The following CNTN4 variants were observed in gnomAD, a reference collection of about 807,000 sequenced individuals.
CNTN4 encodes contactin 4, also known as contactin-4.
In CNTN4, 77 loss-of-function variants were observed where a neutral mutation model predicts 122.5. The observed-to-expected ratio is 0.63, with a 90% CI of 0.52 to 0.76. The LOEUF is 0.76. Among genes scored for constraint, CNTN4 ranks in the 30% least tolerant of loss-of-function variants. The pLI is 0.00. For missense variants in CNTN4, 1,256 were observed against 1,259.1 expected (o/e 1.00, Z 0.04); for synonymous variants, 512 against 447.0 (o/e 1.15, Z -1.83).
chr3:2,794,413 G>A (rs2092106795), intron 6 of CNTN4, among the ~76,000 whole-genome samples: 1 of 152,184 alleles, frequency 6.6e-6, no homozygotes, highest in Non-Finnish European at 1.5e-5. Context: ...TCCCAAAAAG[G>A]AGATACAATA....
chr3:2,802,412 C>T (rs2092369702), intron 6 of CNTN4, among the ~76,000 whole-genome samples: 2 of 152,134 alleles, frequency 1.3e-5, no homozygotes, highest in African/African-American at 2.4e-5. Flanking sequence ...GCCTTCTTTG[C>T]TTTTTTGTTG....
At position 3,056,160 on chromosome 3, in the gene CNTN4, A is replaced by G. The variant is rs373172900; in HGVS notation, c.3021A>G (p.Ala1007=). 2 of 1,614,036 alleles carry G rather than the reference A, an allele frequency of 1.2e-6. No homozygotes were observed. Among genetic ancestry groups the G allele is most frequent in the African/African-American group, 1.3e-5 (1 of 74,922 alleles). ...GATCTGGGGCTTCCACTTCGAATGC[A>G]TGTACGCTGTCAGCCATCAGTACAA... The part of the protein sequence containing the change: ...ARGSGASTSN[A]CTLSAISTIM... The change falls in exon 25 of 25, where the codon GCA becomes GCG. Residue 1007 remains alanine (A), a synonymous_variant. Transcript: ENST00000418658.
intron 5 of CNTN4, among the ~76,000 whole-genome samples, chr3:2,740,382 T>C (rs901830693): frequency 3.3e-5 from 5 of 151,894 alleles, no homozygotes; most frequent in Non-Finnish European, 7.4e-5. Flanking sequence ...TAAATAAAAG[T>C]CAGTATGCCA....
At chr3:2,669,321 A>T (rs1421824024) in intron 4 of CNTN4, among the ~76,000 whole-genome samples, 1 of 152,104 alleles carries the variant, frequency 6.6e-6, no homozygotes, top group Non-Finnish European at 1.5e-5. Context: ...TAGTCTTGGG[A>T]GGGTGTATGT....
chr3:2,810,502 G>C (rs1472009516), intron 6 of CNTN4, among the ~76,000 whole-genome samples: 1 of 152,090 alleles, frequency 6.6e-6, no homozygotes, highest in Non-Finnish European at 1.5e-5. Context: ...GCTAAATAGA[G>C]GATTGCTGAC....
intron 11 of CNTN4, among the ~76,000 whole-genome samples, chr3:2,901,471 A>G (rs1008463205): frequency 6.6e-6 from 1 of 152,166 alleles, no homozygotes; most frequent in African/African-American, 2.4e-5. Context: ...TGTTTTGCCT[A>G]ACTCACCCCC....
intron 2 of CNTN4, among the ~76,000 whole-genome samples, chr3:2,268,884 G>C (rs1040303364): frequency 6.6e-6 from 1 of 152,130 alleles, no homozygotes; most frequent in South Asian, 2.1e-4. Context: ...TAAGTAGCCT[G>C]GGGGTAGTTT....
chr3:2,102,670 G>A (rs1485827123), intron 2 of CNTN4, among the ~76,000 whole-genome samples: 1 of 152,102 alleles, frequency 6.6e-6, no homozygotes, highest in Non-Finnish European at 1.5e-5. Context: ...AGGAAGACTT[G>A]GGAGGATGTT....
intron 2 of CNTN4, among the ~76,000 whole-genome samples, chr3:2,180,850 T>C (rs920281472): frequency 1.3e-5 from 2 of 152,102 alleles, no homozygotes; most frequent in Admixed American, 6.6e-5. Context: ...TCACATGCCA[T>C]TGTGATTGAC....
At chr3:2,982,323 C>A (rs887618283) in intron 13 of CNTN4, among the ~76,000 whole-genome samples, 2 of 152,170 alleles carry the variant, frequency 1.3e-5, no homozygotes, top group African/African-American at 4.8e-5. Context: ...TGAACAAGTT[C>A]AGCAATTTCT....
At chr3:3,046,427 C>T (rs544745239) in intron 23 of CNTN4, among the ~76,000 whole-genome samples, 4 of 152,312 alleles carry the variant, frequency 2.6e-5, no homozygotes, top group East Asian at 1.9e-4. Context: ...AATAGCGGAT[C>T]TCTTGGCAGA....
At chr3:2,737,082 C>T (rs1439497463) in intron 5 of CNTN4, among the ~76,000 whole-genome samples, 3 of 151,926 alleles carry the variant, frequency 2.0e-5, no homozygotes, top group Non-Finnish European at 4.4e-5. Flanking sequence ...CTGTGCCCAG[C>T]CATATTTTTA....
chr3:2,707,246 C>CA (rs1390010314), intron 4 of CNTN4, among the ~76,000 whole-genome samples: 2 of 151,518 alleles, frequency 1.3e-5, no homozygotes, highest in African/African-American at 4.9e-5. Context: ...GTTGAGGCTG[C>CA]AGTGAGCCGA....
At chr3:2,297,378 T>C (rs1190912292) in intron 2 of CNTN4, among the ~76,000 whole-genome samples, 2 of 152,210 alleles carry the variant, frequency 1.3e-5, no homozygotes, top group Non-Finnish European at 2.9e-5. Flanking sequence ...TTCTGATGCT[T>C]TAACAATTAC....
chr3:2,699,735 G>A (rs991816475), intron 4 of CNTN4, among the ~76,000 whole-genome samples: 1 of 152,200 alleles, frequency 6.6e-6, no homozygotes, highest in Admixed American at 6.5e-5. Flanking sequence ...TTTCACCAGT[G>A]TAGCCTCTTG....
chr3:2,208,783 A>G (rs1223132324), intron 2 of CNTN4, among the ~76,000 whole-genome samples: 2 of 152,282 alleles, frequency 1.3e-5, no homozygotes, highest in Non-Finnish European at 2.9e-5. Context: ...CAGCCATAAT[A>G]CTGAGACAAG....
chr3:2,705,238 G>A (rs953373147), intron 4 of CNTN4, among the ~76,000 whole-genome samples: 3 of 148,748 alleles, frequency 2.0e-5, no homozygotes, highest in Non-Finnish European at 4.5e-5. Flanking sequence ...CGTAGTGGCG[G>A]GCGCCTGTAG....
At chr3:2,845,990 T>C (rs566129411) in intron 7 of CNTN4, among the ~76,000 whole-genome samples, 12 of 152,298 alleles carry the variant, frequency 7.9e-5, no homozygotes, top group African/African-American at 2.2e-4. Flanking sequence ...AGATGCCATT[T>C]TTGTCTTCAG....
intron 14 of CNTN4, among the ~76,000 whole-genome samples, chr3:3,007,401 A>G (rs930433545): frequency 6.6e-6 from 1 of 152,234 alleles, no homozygotes; most frequent in Admixed American, 6.5e-5. Context: ...CATCATTTCT[A>G]TAATGCCAGT....
Sources: gnomAD v4.1 joint callset for allele counts (sites outside exome capture counted in the v4.1 genomes callset) on GRCh38, gnomAD v4.1.1 for gene constraint, MANE v1.5 for transcripts, NCBI Gene and HGNC (gene_info 2026-07-23, HGNC 2026-07-21) for gene names.